Variants in APPL1 observed in about 807,000 individuals in gnomAD.
APPL1 encodes adaptor protein, phosphotyrosine interacting with PH domain and leucine zipper 1.
Under a neutral mutation model 106.8 loss-of-function variants are expected in APPL1, and 42 were observed. The observed-to-expected ratio is 0.39, with a 90% CI of 0.31 to 0.51. The LOEUF is 0.51. APPL1 is among the 20% of genes least tolerant of loss of function. The pLI is 0.75. For missense variants in APPL1, 769 were observed against 858.2 expected, an observed-to-expected ratio of 0.90 and a Z score of 1.30; for synonymous variants, 263 against 281.8, an observed-to-expected ratio of 0.93 and a Z score of 0.67.
chr3:57,260,829 T>C, intron 19 of APPL1, 55 bp downstream of exon 19: 1 of 1,417,000 alleles, frequency 7.1e-7, no homozygotes, highest in Admixed American at 2.3e-5. Flanking sequence ...TGATTCTTAC[T>C]AAGATTTAAT....
At chr3:57,240,582 A>G (rs1359091718) in intron 5 of APPL1, 30 bp downstream of exon 5, 1 of 1,567,998 alleles carries the variant, frequency 6.4e-7, no homozygotes, top group Non-Finnish European at 8.8e-7. Context: ...GTTTACTTTC[A>G]TTGGCTGTGA....
chr3:57,254,114 C>T (rs1477357891), intron 13 of APPL1, among the ~76,000 whole-genome samples: 2 of 152,190 alleles, frequency 1.3e-5, no homozygotes, highest in Non-Finnish European at 2.9e-5. Flanking sequence ...CTGGCCATCT[C>T]GGCCTCCCAA....
chr3:57,260,736 G>A lies in APPL1; in HGVS notation c.1804G>A (p.Val602Ile). 1 of 1,611,736 alleles carries A rather than the reference G, an allele frequency of 6.2e-7. No homozygotes were observed. Among genetic ancestry groups the A allele is most frequent in the Non-Finnish European group, 8.5e-7 (1 of 1,178,524 alleles). The stretch of plus-strand genomic sequence containing the variant: ...GAGAAGTGAAAGTAATCTGTCATCA[G>A]TCTGCTATATATTTGAGTCAAACAA... The part of the protein sequence containing the change: ...SGRSESNLSS[V>I]CYIFESNNEG... Residue 602 changes from valine to isoleucine, a missense_variant, in exon 19 of 22, where the codon GTC becomes ATC. Physicochemically the swap from Val to Ile is conservative, Grantham distance 29. Coordinates refer to ENST00000288266, the MANE Select transcript of APPL1 (RefSeq NM_012096.3).
At position 57,228,194 on chromosome 3, in the gene APPL1, G is replaced by A. The variant is rs1213969177; in HGVS notation, c.54+257G>A. Among the ~76,000 whole-genome samples the A allele has an allele frequency of 6.6e-6, 1 of 152,098 alleles. No individual in the cohort carries two copies. The highest frequency in any genetic ancestry group is 1.5e-5 in the Non-Finnish European group (1 of 67,982). ...TGGTGCTCGTGGGCCGGGCGGTCAC[G>A]TACGCGCGCGGGTCCTTTTTATTTG... On this transcript the variant is annotated intron_variant, in intron 1 of 21. Coordinates refer to ENST00000288266, the MANE Select transcript of APPL1 (RefSeq NM_012096.3). The surrounding 1 kb of genome is among the most constrained non-coding windows in gnomAD (Gnocchi z 4.6).
In APPL1 at chr3:57,267,899, C is replaced by G. The variant is rs992163674; in HGVS notation, c.1893+107C>G. 2.6e-6 allele frequency: 3 copies of G among 1,145,124 alleles called. No individual in the cohort carries two copies. In the African/African-American group the frequency reaches 4.6e-5, roughly 17 times the overall value. 70.9% of individuals were successfully genotyped at this position (1,145,124 alleles called of 1,614,324 possible). On this transcript the variant is annotated intron_variant, in intron 20 of 21. Coordinates refer to ENST00000288266, the MANE Select transcript of APPL1 (RefSeq NM_012096.3). Reference sequence around the variant, plus strand: ...TTGAGGTCAGGAGTTCGAGACTAACCTGGCCAACATGGTGAAACCCCATTT... The same window carrying G: ...TTGAGGTCAGGAGTTCGAGACTAACGTGGCCAACATGGTGAAACCCCATTT...
chr3:57,261,203 A>T (rs1172726777), intron 19 of APPL1, among the ~76,000 whole-genome samples: 4 of 152,138 alleles, frequency 2.6e-5, no homozygotes, highest in Admixed American at 6.6e-5. Context: ...AAGTGAGAAC[A>T]TGTGATATTT....
intron 19 of APPL1, 116 bp downstream of exon 19, chr3:57,260,890 C>A (rs1403578248): frequency 1.7e-6 from 2 of 1,152,680 alleles, no homozygotes; most frequent in Non-Finnish European, 2.3e-6. Flanking sequence ...TGATTGAATT[C>A]TTTACAATTT....
Position 57,246,057 on chromosome 3 carries a change from TA to T in APPL1, c.475-16del. On this transcript the variant is annotated intron_variant, in intron 7 of 21. Transcript: ENST00000288266. ...ATAGCAGATTATTTACTTAATTATT[TA>T]AATCTTTTCATTCAAAGGTGAAGTA... 2 of 1,539,016 alleles carry T rather than the reference TA, an allele frequency of 1.3e-6. No homozygotes were observed. The highest frequency in any genetic ancestry group is 1.7e-6 in the Non-Finnish European group (2 of 1,143,150).
Position 57,227,747 on chromosome 3 carries a change from T to G in APPL1, c.-137T>G. On this transcript the variant is annotated 5_prime_UTR_variant, in exon 1 of 22. Transcript: ENST00000288266. ...ATTTCCCGCACGGCCGCTCGGCGCC[T>G]GGAGAAGGCTGTGCGGGCGGGGACG... 1.5e-6 allele frequency: 1 copy of G among 685,552 alleles called. No individual in the cohort carries two copies. Among genetic ancestry groups the G allele is most frequent in the Middle Eastern group, 4.8e-4 (1 of 2,074 alleles). 42.5% of individuals were successfully genotyped at this position (685,552 alleles called of 1,614,324 possible).
chr3:57,249,498 C>G lies in APPL1; in HGVS notation c.1002C>G (p.Asp334Glu), dbSNP rs61735096. ...ACAACTGTTCAGTGATGGCTGTGGACTGTGAAGACAGACGATATTGTTTTC... is the reference window on the plus strand; with the variant it reads ...ACAACTGTTCAGTGATGGCTGTGGAGTGTGAAGACAGACGATATTGTTTTC... ...DIDNCSVMAV[D>E]CEDRRYCFQI... The change falls in exon 11 of 22, where the codon GAC (aspartate) becomes GAG (glutamate). Residue 334 changes from aspartate (D) to glutamate (E), a missense_variant. Physicochemically the swap from Asp to Glu is conservative, Grantham distance 45. Transcript: ENST00000288266. 2,842 of 1,606,358 alleles carry G rather than the reference C, an allele frequency of 1.8e-3. 33 individuals are homozygous for G. In the African/African-American group the frequency reaches 0.035, roughly 20 times the overall value.
intron 18 of APPL1, 23 bp downstream of exon 18, chr3:57,260,176 T>C: frequency 6.3e-7 from 1 of 1,597,924 alleles, no homozygotes; most frequent in Non-Finnish European, 8.5e-7. Flanking sequence ...TGATTTAAGC[T>C]TTGTTTTAGG....
chr3:57,255,751 C>G (rs1354728711), intron 13 of APPL1, among the ~76,000 whole-genome samples: 1 of 152,118 alleles, frequency 6.6e-6, no homozygotes, highest in Non-Finnish European at 1.5e-5. Flanking sequence ...TCCTGCCAAT[C>G]TAGCTTTTCC....
intron 1 of APPL1, among the ~76,000 whole-genome samples, chr3:57,233,683 AC>A (rs2060701101): frequency 6.6e-6 from 1 of 152,140 alleles, no homozygotes; most frequent in Non-Finnish European, 1.5e-5. Flanking sequence ...ATAGGGACTT[AC>A]TGGCATCATG....
rs145544181 is a variant in APPL1 at position 57,236,202 on chromosome 3, G to A, written c.153+538G>A. Among the ~76,000 whole-genome samples the A allele has an allele frequency of 3.9e-5, 6 of 151,900 alleles. No homozygotes were observed. In the East Asian group the frequency reaches 1.2e-3, roughly 29 times the overall value. On this transcript the variant is annotated intron_variant, in intron 2 of 21. Transcript: ENST00000288266. The stretch of plus-strand genomic sequence containing the variant: ...TGGGATTACAGGCATGCACCAGCAC[G>A]CCTGGCTAATTTTGTATTTTTAGTA...
At chr3:57,254,152 T>G (rs1364293766) in intron 13 of APPL1, among the ~76,000 whole-genome samples, 1 of 152,084 alleles carries the variant, frequency 6.6e-6, no homozygotes, top group Admixed American at 6.5e-5. Flanking sequence ...CGTGAGCCAC[T>G]GTGCCTGGCC....
chr3:57,253,842 A>T, intron 13 of APPL1, 104 bp downstream of exon 13: 2 of 922,768 alleles, frequency 2.2e-6, no homozygotes, highest in Non-Finnish European at 2.9e-6. Flanking sequence ...TAATTTTTTA[A>T]TTTGACCTTG....
At chr3:57,246,984 C>T (rs1238634808) in intron 8 of APPL1, among the ~76,000 whole-genome samples, 2 of 133,406 alleles carry the variant, frequency 1.5e-5, no homozygotes, top group Non-Finnish European at 3.3e-5. Context: ...AGACGAGACC[C>T]TGTCTCAAAA....
At chr3:57,231,287 C>T (rs112911334) in intron 1 of APPL1, among the ~76,000 whole-genome samples, 8,794 of 137,602 alleles carry the variant, frequency 0.064, 382 homozygotes, top group Middle Eastern at 0.12. Flanking sequence ...TGCAGTGAGC[C>T]GAAATTGTAC....
At chr3:57,229,836 C>A (rs1168349183) in intron 1 of APPL1, among the ~76,000 whole-genome samples, 1 of 151,474 alleles carries the variant, frequency 6.6e-6, no homozygotes, top group Non-Finnish European at 1.5e-5. Context: ...GCCTCAGCCT[C>A]CTGAGTAGCT....
Sources: allele counts gnomAD v4.1 joint callset (sites outside exome capture counted in the v4.1 genomes callset), GRCh38; gene constraint gnomAD v4.1.1; non-coding constraint Gnocchi (gnomAD v3.1); transcripts MANE v1.5; gene names NCBI Gene and HGNC (gene_info 2026-07-23, HGNC 2026-07-21).